MGAM2: variants seen among roughly 807,000 people sequenced by gnomAD.
The protein encoded by MGAM2 is maltase-glucoamylase 2 (putative).
Under a neutral mutation model 96.1 loss-of-function variants are expected in MGAM2, and 98 were observed. That is an observed-to-expected ratio of 1.02 (90% confidence interval 0.87 to 1.21). The LOEUF (loss-of-function observed/expected upper bound fraction) is 1.21, where lower values mean the gene tolerates loss of function less well. Ranked by LOEUF, MGAM2 falls within the 50% of genes most tolerant of loss-of-function variation. The pLI, the probability that MGAM2 is intolerant of heterozygous loss-of-function variation, is 0.00. For synonymous variants in MGAM2, 749 were observed against 414.8 expected, an observed-to-expected ratio of 1.81 and a Z score of -9.79; for missense variants, 2,055 against 1,182.4, an observed-to-expected ratio of 1.74 and a Z score of -10.82.
intron 26 of MGAM2, among the ~76,000 whole-genome samples, chr7:142,169,141 C>T (rs1796116039): frequency 6.6e-6 from 1 of 152,152 alleles, no homozygotes; most frequent in Admixed American, 6.6e-5. Context: ...TTTAGAAAAC[C>T]TTCACCTGGC....
Position 142,161,974 on chromosome 7 carries a change from G to A in MGAM2, c.2454G>A (p.Lys818=), listed in dbSNP as rs1563268220. ...TTTTAGATGCTGTGACTGAAAAGAA[G>A]TATATTCTATATGATTTCTCTGTTA... The part of the protein sequence containing the change: ...GVSKDAVTEK[K]YILYDFSVTS... The change falls in exon 23 of 48, where the codon AAG becomes AAA. Residue 818 remains lysine (K), a synonymous_variant. Coordinates refer to ENST00000477922, the MANE Select transcript of MGAM2 (RefSeq NM_001293626.2). 2.9e-6 allele frequency: 2 copies of A among 697,678 alleles called. No homozygotes were observed. The highest frequency in any genetic ancestry group is 5.2e-6 in the Non-Finnish European group (2 of 383,124). 43.2% of individuals were successfully genotyped at this position (697,678 alleles called of 1,614,324 possible). A position where few individuals can be genotyped will look rare whatever the true frequency, so the allele number is the denominator to read the frequency against.
intron 1 of MGAM2, among the ~76,000 whole-genome samples, chr7:142,116,644 T>C (rs1247879334): frequency 6.6e-6 from 1 of 152,218 alleles, no homozygotes; most frequent in Non-Finnish European, 1.5e-5. Flanking sequence ...CAATCCTCAG[T>C]TCCTCTACAT....
At chr7:142,199,733 A>G (rs1436246842) in intron 44 of MGAM2, 147 bp from the exon 45 acceptor site, 3 of 408,368 alleles carry the variant, frequency 7.3e-6, no homozygotes, top group Non-Finnish European at 1.3e-5. Flanking sequence ...CTTATATTTT[A>G]TCTATTGTAC....
rs34480300 is a variant in MGAM2, at chr7:142,174,715, C to CTTTT, written c.3688-922_3688-919dup. Among the ~76,000 whole-genome samples, 28 of 85,444 alleles carry CTTTT rather than the reference C, an allele frequency of 3.3e-4. 6 individuals carry two copies. Among genetic ancestry groups the CTTTT allele is most frequent in the Admixed American group, 7.1e-4 (5 of 7,002 alleles). 56.1% of individuals were successfully genotyped at this position (85,444 alleles called of 152,430 possible). On this transcript the variant is annotated intron_variant, in intron 31 of 47. Transcript: ENST00000477922. ...ATGCCCTTTATTTCTCTCTCTCTCT[C>CTTTT]TTTTTTTTTTTTTTTTTTGAGTTGG...
chr7:142,133,937 G>C, intron 6 of MGAM2, 44 bp from the exon 7 acceptor site: 1 of 661,512 alleles, frequency 1.5e-6, no homozygotes, highest in Non-Finnish European at 2.8e-6. Context: ...GCAGAGGAAA[G>C]AGTGTTTTTC....
At position 142,125,935 on chromosome 7, in the gene MGAM2, C is replaced by A. The variant is rs1794723771; in HGVS notation, c.187-5013C>A. On this transcript the variant is annotated intron_variant, in intron 3 of 47. Coordinates refer to ENST00000477922, the MANE Select transcript of MGAM2 (RefSeq NM_001293626.2). ...CCTGTCTATCTCCAAATTACTCCCC[C>A]CAGAATCACCCAGAATCAAATCAAT... 2.0e-5 allele frequency among the ~76,000 whole-genome samples: 3 copies of A among 152,082 alleles called. No individual in the cohort carries two copies. In the South Asian group the frequency reaches 6.2e-4, roughly 32 times the overall value.
At chr7:142,196,977 A>T (rs887446828) in intron 40 of MGAM2, among the ~76,000 whole-genome samples, 161 bp downstream of exon 40, 4 of 152,218 alleles carry the variant, frequency 2.6e-5, no homozygotes, top group Admixed American at 6.5e-5. Flanking sequence ...TGGAATTATC[A>T]GTAATTTTTA....
Position 142,167,420 on chromosome 7 carries a change from C to G in MGAM2, c.2961C>G (p.Leu987=), listed in dbSNP as rs1418025976. The G allele has an allele frequency of 2.8e-6, 2 of 703,014 alleles. No homozygotes were observed. Among genetic ancestry groups the G allele is most frequent in the Admixed American group, 4.0e-5 (2 of 50,004 alleles). The allele number at this position is 703,014 out of a possible 1,614,324, so 43.5% of individuals were successfully genotyped here. ...ESAAAAASDS[L]SAKISFLHLK... ...CTGCTGCTGCCGCCTCTGATTCTCT[C>G]TCTGCAAAGATCAGCTTCCTCCACC... Residue 987 remains leucine (L), a synonymous_variant, in exon 26 of 48, where the codon CTC becomes CTG. Transcript: ENST00000477922.
chr7:142,124,445 C>CATAA (rs1351705909), intron 3 of MGAM2, among the ~76,000 whole-genome samples: 3 of 152,096 alleles, frequency 2.0e-5, no homozygotes, highest in African/African-American at 7.2e-5. Flanking sequence ...TTGCCAATAC[C>CATAA]ATACAGCCTT....
intron 10 of MGAM2, among the ~76,000 whole-genome samples, chr7:142,139,699 T>G (rs1795163858): frequency 6.6e-6 from 1 of 150,986 alleles, no homozygotes; most frequent in African/African-American, 2.4e-5. Context: ...TGTTAACATC[T>G]GAAGGAAGAC....
Position 142,175,607 on chromosome 7 carries a change from G to T in MGAM2, c.3688-45G>T, listed in dbSNP as rs1008661650. 3 of 698,394 alleles carry T rather than the reference G, an allele frequency of 4.3e-6. No individual in the cohort carries two copies. In the Admixed American group the frequency reaches 6.0e-5, roughly 14 times the overall value. The allele number at this position is 698,394 out of a possible 1,614,324, so 43.3% of individuals were successfully genotyped here. The stretch of plus-strand genomic sequence containing the variant: ...CAGAGCAGTTAATGTGCCCTGCAGG[G>T]CACCTACTGCAGGGTTCCAAGAGCC... On this transcript the variant is annotated intron_variant, in intron 31 of 47. Coordinates refer to ENST00000477922, the MANE Select transcript of MGAM2 (RefSeq NM_001293626.2).
intron 46 of MGAM2, among the ~76,000 whole-genome samples, chr7:142,217,952 C>T (rs1428091810): frequency 3.9e-5 from 6 of 152,044 alleles, no homozygotes; most frequent in Non-Finnish European, 8.8e-5. Context: ...GGTATGGTGG[C>T]ACACACCTAT....
chr7:142,126,601 G>A (rs1794740634), intron 3 of MGAM2, among the ~76,000 whole-genome samples: 2 of 151,834 alleles, frequency 1.3e-5, no homozygotes, highest in South Asian at 4.1e-4. Flanking sequence ...ATTTTACTGT[G>A]TAAAGATTTA....
In MGAM2 at chr7:142,220,805, T is replaced by G. The variant is rs1563303891; in HGVS notation, c.6294T>G (p.Val2098=). 2 of 702,106 alleles carry G rather than the reference T, an allele frequency of 2.8e-6. No homozygotes were observed. Among genetic ancestry groups the G allele is most frequent in the African/African-American group, 3.5e-5 (2 of 57,128 alleles). The allele number at this position is 702,106 out of a possible 1,614,324, so 43.5% of individuals were successfully genotyped here. The change falls in exon 48 of 48, where the codon GTT becomes GTG. Residue 2098 remains valine (V), a synonymous_variant. Coordinates refer to ENST00000477922, the MANE Select transcript of MGAM2 (RefSeq NM_001293626.2). The part of the protein sequence containing the change: ...SSTTVSTIAT[V]PISVTPSLTS... ...CTACTGTGAGTACTATTGCTACCGT[T>G]CCCATTTCAGTGACTCCTTCTCTGA...
chr7:142,167,197 C>A (rs1488956707), intron 25 of MGAM2, 71 bp from the exon 26 acceptor site: 6 of 618,860 alleles, frequency 9.7e-6, no homozygotes, highest in South Asian at 1.8e-5. Context: ...TCTGTGTTAA[C>A]CAACTTCTTC....
intron 17 of MGAM2, 148 bp downstream of exon 17, chr7:142,154,993 G>T: frequency 3.3e-6 from 2 of 605,818 alleles, no homozygotes; most frequent in South Asian, 1.9e-5. Context: ...TAAAAAGCAG[G>T]GTATCAATCA....
intron 6 of MGAM2, among the ~76,000 whole-genome samples, chr7:142,132,812 A>G (rs1563251922): frequency 7.8e-6 from 1 of 127,452 alleles, no homozygotes; most frequent in East Asian, 2.3e-4. Context: ...TATGTATAAT[A>G]TAATATATAA....
intron 3 of MGAM2, among the ~76,000 whole-genome samples, chr7:142,122,032 A>C (rs1353396611): frequency 6.6e-6 from 1 of 152,128 alleles, no homozygotes; most frequent in Non-Finnish European, 1.5e-5. Context: ...AACCATCTTT[A>C]TATTCTTATT....
intron 26 of MGAM2, among the ~76,000 whole-genome samples, 153 bp downstream of exon 26, chr7:142,167,639 C>T (rs532270969): frequency 6.6e-6 from 1 of 152,328 alleles, no homozygotes. Flanking sequence ...GGGGCACAAT[C>T]TCAGGTCACT....
Sources: gnomAD v4.1 joint callset for allele counts (sites outside exome capture counted in the v4.1 genomes callset) on GRCh38, gnomAD v4.1.1 for gene constraint, MANE v1.5 for transcripts, NCBI Gene and HGNC (gene_info 2026-07-23, HGNC 2026-07-21) for gene names.